The following BCL2 variants were observed in gnomAD, a reference collection of about 807,000 sequenced individuals.
BCL2 encodes BCL2 apoptosis regulator, also known as apoptosis regulator Bcl-2.
BCL2 carries 1 observed loss-of-function variant against 14.2 expected under a neutral mutation model. The ratio of observed to expected loss-of-function variants is 0.07; its 90% confidence interval spans 0.02 to 0.33. The LOEUF (loss-of-function observed/expected upper bound fraction) is 0.33, where lower values mean the gene tolerates loss of function less well. Among genes scored for constraint, BCL2 ranks in the 10% least tolerant of loss-of-function variants. BCL2 has a pLI of 0.99. For synonymous variants in BCL2, 151 were observed against 137.2 expected (o/e 1.10, Z -0.70); for missense variants, 247 against 305.9 (o/e 0.81, Z 1.44).
chr18:63,269,679 T>C (rs1302781151), intron 2 of BCL2, among the ~76,000 whole-genome samples: 3 of 152,200 alleles, frequency 2.0e-5, no homozygotes. Context: ...CTTAAAATAT[T>C]GTATCTTAAA....
At chr18:63,217,924 G>A (rs1910250549) in intron 2 of BCL2, among the ~76,000 whole-genome samples, 1 of 152,090 alleles carries the variant, frequency 6.6e-6, no homozygotes. Context: ...CTTGTACTAC[G>A]AAGATGTGAA....
chr18:63,229,002 G>A (rs1327143966), intron 2 of BCL2, among the ~76,000 whole-genome samples: 4 of 152,180 alleles, frequency 2.6e-5, no homozygotes, highest in Non-Finnish European at 4.4e-5. Context: ...GAGCCACCAC[G>A]CCCGGCCTAC....
At chr18:63,169,354 T>C (rs1222554376) in intron 2 of BCL2, among the ~76,000 whole-genome samples, 3 of 62,178 alleles carry the variant, frequency 4.8e-5, no homozygotes, top group African/African-American at 2.5e-4. Flanking sequence ...TCTTTCTTTC[T>C]TTCTTTCTTT....
At position 63,156,087 on chromosome 18, in the gene BCL2, C is replaced by CAAAAAAAA. The variant is rs10640757; in HGVS notation, c.586-27336_586-27329dup. On this transcript the variant is annotated intron_variant, in intron 2 of 2. Coordinates refer to ENST00000333681, the MANE Select transcript of BCL2 (RefSeq NM_000633.3). ...ATATTCATGAGGCTTGCTGAGAAGC[C>CAAAAAAAA]AAAAAAAAAAAAAAAAAAAGGCTTG... 1.7e-4 allele frequency among the ~76,000 whole-genome samples: 11 copies of CAAAAAAAA among 64,244 alleles called. 3 individuals are homozygous for CAAAAAAAA. The highest frequency in any genetic ancestry group is 2.1e-4 in the Admixed American group (1 of 4,792). The allele number at this position is 64,244 out of a possible 152,430, so 42.1% of individuals were successfully genotyped here. A position where few individuals can be genotyped will look rare whatever the true frequency, so the allele number is the denominator to read the frequency against.
rs144527063 is a variant in BCL2 at position 63,171,035 on chromosome 18, T to C, written c.586-42276A>G. ...TTTTTGAAATAATGCTAGTAAAATATATAAATTCAGCTTTTATGAGATTTT... is the reference window on the plus strand; with the variant it reads ...TTTTTGAAATAATGCTAGTAAAATACATAAATTCAGCTTTTATGAGATTTT... On this transcript the variant is annotated intron_variant, in intron 2 of 2. Transcript: ENST00000333681. Among the ~76,000 whole-genome samples, 24 of 152,356 alleles carry C rather than the reference T, an allele frequency of 1.6e-4. No homozygotes were observed. The East Asian group carries it at 4.0e-3, about 26-fold the overall frequency.
intron 2 of BCL2, among the ~76,000 whole-genome samples, chr18:63,175,255 ATTGTTCC>A (rs1403585819): frequency 1.5e-4 from 23 of 152,194 alleles, no homozygotes; most frequent in African/African-American, 5.3e-4. Flanking sequence ...AAATTTAAAG[ATTGTTCC>A]ATTTGTCAAT....
intron 2 of BCL2, among the ~76,000 whole-genome samples, chr18:63,274,047 T>A (rs535130415): frequency 6.6e-6 from 1 of 152,208 alleles, no homozygotes; most frequent in African/African-American, 2.4e-5. Context: ...TTTTACATTG[T>A]ACTTCCTCAA....
chr18:63,304,184 T>C (rs990660483), intron 2 of BCL2, among the ~76,000 whole-genome samples: 12 of 152,248 alleles, frequency 7.9e-5, no homozygotes, highest in Non-Finnish European at 1.3e-4. Flanking sequence ...TGTTTACTTT[T>C]CTGACTTCCT....
chr18:63,169,085 A>C (rs1285800630), intron 2 of BCL2, among the ~76,000 whole-genome samples: 1 of 152,240 alleles, frequency 6.6e-6, no homozygotes, highest in Non-Finnish European at 1.5e-5. Context: ...CTGAGAATCT[A>C]ACATGGGCTT....
At chr18:63,212,311 G>C (rs1305639270) in intron 2 of BCL2, among the ~76,000 whole-genome samples, 1 of 151,586 alleles carries the variant, frequency 6.6e-6, no homozygotes, top group African/African-American at 2.4e-5. Context: ...CTGGGCGACA[G>C]AGCGAGACTC....
rs115718499 is a variant in BCL2, at chr18:63,279,202, T to C, written c.585+38880A>G. On this transcript the variant is annotated intron_variant, in intron 2 of 2. Transcript: ENST00000333681. ...GAAAAGAGTGATAAATGAGGTTACA[T>C]CAAAATTAAGAAATTCTTTTCATCA... Among the ~76,000 whole-genome samples, 779 of 152,304 alleles carry C rather than the reference T, an allele frequency of 5.1e-3. 8 individuals are homozygous for C. Among genetic ancestry groups the C allele is most frequent in the African/African-American group, 0.018 (750 of 41,566 alleles).
intron 2 of BCL2, among the ~76,000 whole-genome samples, chr18:63,182,475 CA>C (rs1449043300): frequency 6.6e-6 from 1 of 152,208 alleles, no homozygotes; most frequent in Non-Finnish European, 1.5e-5. Context: ...ACCTGATGGA[CA>C]AAATGCGTCC....
chr18:63,192,334 GT>G (rs1909311543), intron 2 of BCL2, among the ~76,000 whole-genome samples: 1 of 152,206 alleles, frequency 6.6e-6, no homozygotes, highest in Non-Finnish European at 1.5e-5. Flanking sequence ...GGATCAGGAA[GT>G]CAGTTCGAGT....
chr18:63,237,319 T>C (rs4987767), intron 2 of BCL2, among the ~76,000 whole-genome samples: 1,560 of 152,286 alleles, frequency 0.01, 9 homozygotes, highest in Non-Finnish European at 0.016. Context: ...CATTTTAGGC[T>C]GGAAATAAGA....
At chr18:63,198,892 GAC>G (rs1203891631) in intron 2 of BCL2, among the ~76,000 whole-genome samples, 83 of 142,742 alleles carry the variant, frequency 5.8e-4, no homozygotes, top group African/African-American at 2.1e-3. Context: ...CAGACACAGA[GAC>G]ACACACACAG....
chr18:63,131,333 A>G (rs906152878), intron 2 of BCL2, among the ~76,000 whole-genome samples: 1 of 151,844 alleles, frequency 6.6e-6, no homozygotes, highest in East Asian at 1.9e-4. Flanking sequence ...CTTTTTAAAT[A>G]TCTATTGTTA....
intron 2 of BCL2, among the ~76,000 whole-genome samples, chr18:63,204,656 A>G (rs993736572): frequency 1.3e-5 from 2 of 152,222 alleles, no homozygotes; most frequent in Non-Finnish European, 2.9e-5. Flanking sequence ...TTAAACCACT[A>G]TGTTATGGAG....
chr18:63,266,631 T>TCA, intron 2 of BCL2, among the ~76,000 whole-genome samples: 1 of 146,868 alleles, frequency 6.8e-6, no homozygotes, highest in African/African-American at 2.6e-5. Flanking sequence ...TCTCTCTCTC[T>TCA]CTCTCTCACA....
chr18:63,124,941 T>A lies in BCL2; in HGVS notation c.*3684A>T, dbSNP rs146086350. On this transcript the variant is annotated 3_prime_UTR_variant, in exon 3 of 3. Transcript: ENST00000333681. ...CACTGCCTTAAAAGTACAGTTGGAA[T>A]TAATTAGAGTTTAAGTTCACATTTA... The A allele has an allele frequency of 2.4e-3, 538 of 222,514 alleles. 3 individuals are homozygous for A. The highest frequency in any genetic ancestry group is 0.011 in the African/African-American group (492 of 44,834). The allele number at this position is 222,514 out of a possible 1,614,324, so 13.8% of individuals were successfully genotyped here.
Sources: allele counts gnomAD v4.1 joint callset (sites outside exome capture counted in the v4.1 genomes callset), GRCh38; gene constraint gnomAD v4.1.1; transcripts MANE v1.5; gene names NCBI Gene and HGNC (gene_info 2026-07-23, HGNC 2026-07-21).